The following COL4A5 variants were observed in gnomAD, a reference collection of about 807,000 sequenced individuals.
The protein encoded by COL4A5 is collagen type IV alpha 5 chain.
COL4A5 carries 26 observed loss-of-function variants against 130.2 expected under a neutral mutation model. The observed-to-expected ratio is 0.20, with a 90% CI of 0.15 to 0.28. The LOEUF is 0.28. COL4A5 is among the 10% of genes least tolerant of loss of function. COL4A5 has a pLI of 1.00. For missense variants in COL4A5, 1,131 were observed against 1,344.3 expected, an observed-to-expected ratio of 0.84 and a Z score of 2.48; for synonymous variants, 496 against 439.6, an observed-to-expected ratio of 1.13 and a Z score of -1.60.
intron 1 of COL4A5, among the ~76,000 whole-genome samples, chrX:108,525,455 T>G (rs961118842): frequency 1.8e-5 from 2 of 111,535 alleles, no homozygotes. Flanking sequence ...GATTTTTGTT[T>G]GGCTTGTTTA....
chrX:108,549,923 G>C (rs1394164611), intron 2 of COL4A5, among the ~76,000 whole-genome samples: 1 of 111,181 alleles, frequency 9.0e-6, no homozygotes, highest in African/African-American at 3.3e-5. Flanking sequence ...AGGTGAAATG[G>C]ACAAATTCCT....
chrX:108,526,604 C>CT (rs1355654514), intron 1 of COL4A5, among the ~76,000 whole-genome samples: 1 of 29,055 alleles, frequency 3.4e-5, no homozygotes. Context: ...TCCTTTCTTT[C>CT]TTTCTTTCTT....
intron 1 of COL4A5, among the ~76,000 whole-genome samples, chrX:108,508,438 A>G (rs1319248114): frequency 9.1e-6 from 1 of 109,874 alleles, no homozygotes; most frequent in Non-Finnish European, 1.9e-5. Flanking sequence ...GGAAAAATCA[A>G]TATCATTAAA....
chrX:108,597,770 T>C (rs2066547272), intron 24 of COL4A5, among the ~76,000 whole-genome samples: 1 of 111,785 alleles, frequency 8.9e-6, no homozygotes, highest in African/African-American at 3.3e-5. Flanking sequence ...TTTTGTAAAC[T>C]TATTTTTCTT....
intron 1 of COL4A5, among the ~76,000 whole-genome samples, chrX:108,521,606 G>A (rs780170470): frequency 7.7e-4 from 85 of 110,905 alleles, no homozygotes; most frequent in Non-Finnish European, 1.4e-3. Context: ...ATTGGGGCTC[G>A]CGGAAACCCA....
chrX:108,475,079 G>A (rs188137080), intron 1 of COL4A5, among the ~76,000 whole-genome samples: 1 of 111,118 alleles, frequency 9.0e-6, no homozygotes, highest in African/African-American at 3.3e-5. Flanking sequence ...TGACTATTTG[G>A]GGTCTTTTGT....
intron 1 of COL4A5, among the ~76,000 whole-genome samples, chrX:108,450,282 C>A (rs1175948419): frequency 9.0e-6 from 1 of 111,708 alleles, no homozygotes; most frequent in African/African-American, 3.3e-5. Context: ...GTTTTAGATA[C>A]AGGGTCTTGC....
At chrX:108,578,418 G>T in intron 13 of COL4A5, 35 bp downstream of exon 13, 4 of 982,430 alleles carry the variant, frequency 4.1e-6, no homozygotes, top group Non-Finnish European at 5.8e-6. Context: ...TGAAAATCTT[G>T]CTATGGATAT....
chrX:108,446,545 ATGGT>A (rs2064453699), intron 1 of COL4A5, among the ~76,000 whole-genome samples: 1 of 112,227 alleles, frequency 8.9e-6, no homozygotes, highest in Non-Finnish European at 1.9e-5. Flanking sequence ...CAGAGAAATT[ATGGT>A]AACTTTTTTA....
intron 25 of COL4A5, among the ~76,000 whole-genome samples, chrX:108,600,962 G>C (rs2066617303): frequency 1.8e-5 from 2 of 111,380 alleles, no homozygotes; most frequent in African/African-American, 3.3e-5. Flanking sequence ...CTGCCTTTTT[G>C]TTGTATCCGG....
chrX:108,477,815 CAAA>C (rs749101117), intron 1 of COL4A5, among the ~76,000 whole-genome samples: 2 of 33,911 alleles, frequency 5.9e-5, no homozygotes. Flanking sequence ...GACTTTGTCT[CAAA>C]AAAAAAAAAA....
rs1217395338 is a variant in COL4A5 at position 108,670,241 on chromosome X, G to T, written c.3799+5G>T. ...ATCCCTATCCAGGTCCTACAGGTTA[G>T]CTCCTTAACTCCAAAGTAGTAACTG... On this transcript the variant is annotated splice_donor_5th_base_variant and intron_variant, in intron 42 of 52. Coordinates refer to ENST00000328300, the MANE Select transcript of COL4A5 (RefSeq NM_033380.3). 2 of 1,210,369 alleles carry T rather than the reference G, an allele frequency of 1.7e-6. No homozygotes were observed. The highest frequency in any genetic ancestry group is 2.2e-6 in the Non-Finnish European group (2 of 894,633).
In COL4A5 at chrX:108,477,746, G is replaced by A. The variant is rs985197180; in HGVS notation, c.81+37540G>A. On this transcript the variant is annotated intron_variant, in intron 1 of 52. Coordinates refer to ENST00000328300, the MANE Select transcript of COL4A5 (RefSeq NM_033380.3). ...CAGGAGAATGGCTTGAACCTGGGAG[G>A]CAGAGGTTGCAGTGAGCTGAGATCG... 2.6e-4 allele frequency among the ~76,000 whole-genome samples: 28 copies of A among 106,019 alleles called. 1 individual carries two copies. The highest frequency in any genetic ancestry group is 9.7e-5 in the Non-Finnish European group (5 of 51,531). 92.1% of individuals were successfully genotyped at this position (106,019 alleles called of 115,157 possible).
rs540819938 is a variant in COL4A5, at chrX:108,563,564, A to C, written c.232-318A>C. Among the ~76,000 whole-genome samples the C allele has an allele frequency of 2.7e-5, 3 of 111,798 alleles. No homozygotes were observed. In the South Asian group the frequency reaches 1.1e-3, roughly 41 times the overall value. On this transcript the variant is annotated intron_variant, in intron 3 of 52. Coordinates refer to ENST00000328300, the MANE Select transcript of COL4A5 (RefSeq NM_033380.3). ...TCAGCTCCTATTTTGTTTACGAATA[A>C]ATTATTTGGGGAATGACTATATCAA...
At chrX:108,665,452 G>A (rs771878630) in intron 37 of COL4A5, 55 bp from the exon 38 acceptor site, 82 of 844,610 alleles carry the variant, frequency 9.7e-5, no homozygotes, top group Non-Finnish European at 1.4e-4. Flanking sequence ...TTGAATTGTA[G>A]CTCTTAAAGC....
At chrX:108,447,868 A>G (rs894986478) in intron 1 of COL4A5, among the ~76,000 whole-genome samples, 1 of 112,320 alleles carries the variant, frequency 8.9e-6, no homozygotes, top group Non-Finnish European at 1.9e-5. Flanking sequence ...TGAACCACCC[A>G]GACACTTAGC....
At chrX:108,560,260 A>T (rs1015371476) in intron 3 of COL4A5, among the ~76,000 whole-genome samples, 1 of 111,886 alleles carries the variant, frequency 8.9e-6, no homozygotes, top group Admixed American at 9.5e-5. Flanking sequence ...GAGAGCCAGG[A>T]GGCTTTTTTC....
chrX:108,686,118 C>G lies in COL4A5; in HGVS notation c.4304C>G (p.Pro1435Arg), dbSNP rs770383578. Residue 1435 changes from proline to arginine, a missense_variant, in exon 48 of 53, where the codon CCA becomes CGA. Coordinates refer to ENST00000328300, the MANE Select transcript of COL4A5 (RefSeq NM_033380.3). Reference protein sequence around the residue: ...AGGRKGDPGLPGQPGTRGLDG... With the variant: ...AGGRKGDPGLRGQPGTRGLDG... ...GGGCGCAAAGGAGACCCAGGTCTGC[C>G]AGGACAGCCAGGTAAGACAAGTAAA... 8.3e-7 allele frequency: 1 copy of G among 1,205,812 alleles called. No homozygotes were observed. The highest frequency in any genetic ancestry group is 1.1e-6 in the Non-Finnish European group (1 of 891,001).
chrX:108,575,836 TAA>T, intron 9 of COL4A5, 72 bp from the exon 10 acceptor site: 1 of 777,263 alleles, frequency 1.3e-6, no homozygotes, highest in Non-Finnish European at 1.9e-6. Context: ...AGACTTTGTG[TAA>T]AAAAAGAAAA....
Sources: allele counts gnomAD v4.1 joint callset (sites outside exome capture counted in the v4.1 genomes callset), GRCh38; gene constraint gnomAD v4.1.1; transcripts MANE v1.5; gene names NCBI Gene and HGNC (gene_info 2026-07-23, HGNC 2026-07-21).